The following TYW1 variants were observed in gnomAD, a reference collection of about 807,000 sequenced individuals.
TYW1 encodes the protein tRNA-yW synthesizing protein 1 homolog, also known as S-adenosyl-L-methionine-dependent tRNA 4-demethylwyosine synthase TYW1.
A neutral mutation model predicts 96.2 loss-of-function variants in TYW1; 46 were observed. The ratio of observed to expected loss-of-function variants is 0.48; its 90% CI spans 0.38 to 0.61. The LOEUF (loss-of-function observed/expected upper bound fraction) is 0.61. Ranked by LOEUF, TYW1 falls within the 20% of genes least tolerant of loss-of-function variation. The pLI is 0.00. For synonymous variants in TYW1, 274 were observed against 323.0 expected, an observed-to-expected ratio of 0.85 and a Z score of 1.63; for missense variants, 684 against 909.6, an observed-to-expected ratio of 0.75 and a Z score of 3.19.
intron 13 of TYW1, among the ~76,000 whole-genome samples, chr7:67,139,728 G>GGTGTGTGTGTGTGTGTGTGTGTGTGT (rs55993805): frequency 1.4e-5 from 2 of 138,436 alleles, no homozygotes; most frequent in Admixed American, 7.3e-5. Context: ...TGTGTATACA[G>GGTGTGTGTGTGTGTGTGTGTGTGTGT]GTGTGTGTGT....
chr7:67,142,677 G>A (rs373762091), intron 13 of TYW1, among the ~76,000 whole-genome samples: 2 of 152,028 alleles, frequency 1.3e-5, no homozygotes, highest in African/African-American at 4.8e-5. Context: ...AGTGGTCTGC[G>A]CACCTAGGCC....
At chr7:67,222,315 A>G (rs1244360852) in intron 15 of TYW1, among the ~76,000 whole-genome samples, 2 of 152,222 alleles carry the variant, frequency 1.3e-5, no homozygotes, top group African/African-American at 4.8e-5. Flanking sequence ...TGCAGCTTCA[A>G]ATTACTGTCT....
chr7:67,137,054 C>T (rs1275732107), intron 13 of TYW1, among the ~76,000 whole-genome samples: 1 of 147,444 alleles, frequency 6.8e-6, no homozygotes, highest in African/African-American at 2.6e-5. Context: ...AACTTCTGAT[C>T]CACCCACCCT....
intron 11 of TYW1, among the ~76,000 whole-genome samples, chr7:67,083,799 C>T (rs1796453961): frequency 6.6e-6 from 1 of 152,206 alleles, no homozygotes; most frequent in Non-Finnish European, 1.5e-5. Flanking sequence ...CTTTGGGAGG[C>T]CGAGGCGGGT....
chr7:67,006,948 C>CTTTTTTTTTT lies in TYW1; in HGVS notation c.274-2615_274-2606dup, dbSNP rs34475001. On this transcript the variant is annotated intron_variant, in intron 3 of 15. Coordinates refer to ENST00000359626, the MANE Select transcript of TYW1 (RefSeq NM_018264.4). Reference sequence around the variant, plus strand: ...CAAAACAGTAGGGAGAGATGTGAGGCTTTTTTTTTTTTTTTTTTTTTTTTT... The same window carrying CTTTTTTTTTT: ...CAAAACAGTAGGGAGAGATGTGAGGCTTTTTTTTTTTTTTTTTTTTTTTTTTTTTTTTTTT... Among the ~76,000 whole-genome samples, 68 of 45,142 alleles carry CTTTTTTTTTT rather than the reference C, an allele frequency of 1.5e-3. 13 individuals are homozygous for CTTTTTTTTTT. The highest frequency in any genetic ancestry group is 2.7e-3 in the African/African-American group (27 of 10,026). 29.6% of individuals were successfully genotyped at this position (45,142 alleles called of 152,430 possible). A position where few individuals can be genotyped will look rare whatever the true frequency, so the allele number is the denominator to read the frequency against.
intron 10 of TYW1, among the ~76,000 whole-genome samples, chr7:67,069,781 A>C (rs1412698004): frequency 6.6e-6 from 1 of 152,114 alleles, no homozygotes; most frequent in African/African-American, 2.4e-5. Context: ...AAATCCAAAA[A>C]TACAACAGTG....
chr7:67,096,490 A>G (rs1204520196), intron 11 of TYW1, among the ~76,000 whole-genome samples: 3 of 152,224 alleles, frequency 2.0e-5, no homozygotes, highest in African/African-American at 7.2e-5. Flanking sequence ...AGGAATCCCT[A>G]TCCTGCAGAG....
At chr7:67,043,742 G>C (rs1795099488) in intron 7 of TYW1, among the ~76,000 whole-genome samples, 1 of 152,156 alleles carries the variant, frequency 6.6e-6, no homozygotes, top group East Asian at 1.9e-4. Context: ...TTAGCAATGA[G>C]TCCCCATGTT....
chr7:67,003,750 T>G (rs1236611144), intron 3 of TYW1, among the ~76,000 whole-genome samples: 1 of 152,158 alleles, frequency 6.6e-6, no homozygotes, highest in Non-Finnish European at 1.5e-5. Flanking sequence ...TTGTCAGGAA[T>G]TTGAGTGTGA....
intron 3 of TYW1, among the ~76,000 whole-genome samples, chr7:67,008,463 A>C (rs536724923): frequency 5.3e-5 from 8 of 152,280 alleles, no homozygotes; most frequent in Non-Finnish European, 1.2e-4. Context: ...TCCTGAAGCT[A>C]TCTGAGGCCT....
intron 4 of TYW1, among the ~76,000 whole-genome samples, chr7:67,012,252 G>C (rs1228376958): frequency 1.3e-5 from 2 of 151,986 alleles, no homozygotes. Flanking sequence ...GGAGGCTGAG[G>C]CATGAGAATT....
intron 12 of TYW1, among the ~76,000 whole-genome samples, chr7:67,105,855 A>C (rs1337702798): frequency 6.6e-6 from 1 of 151,698 alleles, no homozygotes; most frequent in Non-Finnish European, 1.5e-5. Flanking sequence ...ATTTTGGTAC[A>C]CAAAGAACTT....
intron 13 of TYW1, among the ~76,000 whole-genome samples, chr7:67,131,392 C>G (rs372907330): frequency 6.6e-6 from 1 of 152,060 alleles, no homozygotes; most frequent in Non-Finnish European, 1.5e-5. Flanking sequence ...ATAGTAAGTA[C>G]CACTATAACT....
In TYW1 at chr7:67,234,315, C is replaced by T. The variant is rs1283810535; in HGVS notation, c.1978-3993C>T. Among the ~76,000 whole-genome samples the T allele has an allele frequency of 2.4e-5, 3 of 126,928 alleles. 1 individual carries two copies. Among genetic ancestry groups the T allele is most frequent in the East Asian group, 2.0e-4 (1 of 4,968 alleles). The allele number at this position is 126,928 out of a possible 152,430, so 83.3% of individuals were successfully genotyped here. On this transcript the variant is annotated intron_variant, in intron 15 of 15. Coordinates refer to ENST00000359626, the MANE Select transcript of TYW1 (RefSeq NM_018264.4). The stretch of plus-strand genomic sequence containing the variant: ...TGTGCAATAGTTGCACCACTGCACT[C>T]CAGCCTGGGTGACAGAGTGAGAACC...
intron 3 of TYW1, among the ~76,000 whole-genome samples, chr7:66,999,490 T>C (rs1265800861): frequency 1.3e-5 from 2 of 152,018 alleles, no homozygotes; most frequent in African/African-American, 4.8e-5. Flanking sequence ...GTAGCTGGGA[T>C]TATAGGTGCC....
intron 13 of TYW1, among the ~76,000 whole-genome samples, chr7:67,177,408 G>A (rs563605130): frequency 3.0e-4 from 46 of 151,802 alleles, no homozygotes; most frequent in African/African-American, 1.1e-3. Context: ...TTGATCAGAA[G>A]ACATTGTGAA....
chr7:67,005,085 T>C (rs534862468), intron 3 of TYW1, among the ~76,000 whole-genome samples: 9 of 152,224 alleles, frequency 5.9e-5, no homozygotes, highest in African/African-American at 1.9e-4. Context: ...GAATGCTCAA[T>C]ATAGGCCCCA....
intron 15 of TYW1, among the ~76,000 whole-genome samples, chr7:67,202,261 G>A (rs1800627293): frequency 6.6e-6 from 1 of 152,176 alleles, no homozygotes; most frequent in African/African-American, 2.4e-5. Flanking sequence ...TTAGGAAGTA[G>A]TCACTTCTCA....
At chr7:67,062,558 C>A (rs1795726355) in intron 9 of TYW1, among the ~76,000 whole-genome samples, 1 of 62,618 alleles carries the variant, frequency 1.6e-5, no homozygotes, top group Non-Finnish European at 3.3e-5. Flanking sequence ...CAGAGCGAGA[C>A]TCCGTCTCAA....
Sources: gnomAD v4.1 joint callset for allele counts (sites outside exome capture counted in the v4.1 genomes callset) on GRCh38, gnomAD v4.1.1 for gene constraint, MANE v1.5 for transcripts, NCBI Gene and HGNC (gene_info 2026-07-23, HGNC 2026-07-21) for gene names.